VPS13A: variants seen among roughly 807,000 people sequenced by gnomAD.
The protein encoded by VPS13A is vacuolar protein sorting 13 homolog A.
In VPS13A, 264 loss-of-function variants were observed where a neutral mutation model predicts 390.9. The ratio of observed to expected loss-of-function variants is 0.68; its 90% confidence interval spans 0.61 to 0.75. The LOEUF is 0.75. VPS13A is among the 30% of genes least tolerant of loss of function. The pLI is 0.00. For synonymous variants in VPS13A, 1,231 were observed against 1,227.1 expected, an observed-to-expected ratio of 1.00 and a Z score of -0.07; for missense variants, 3,409 against 3,733.9, an observed-to-expected ratio of 0.91 and a Z score of 2.27.
chr9:77,256,710 G>A (rs1825467820), intron 22 of VPS13A, among the ~76,000 whole-genome samples: 1 of 151,950 alleles, frequency 6.6e-6, no homozygotes, highest in Non-Finnish European at 1.5e-5. Context: ...ATGTCTTCTT[G>A]GTGAAGTTAT....
In VPS13A at chr9:77,416,153, AAAAC is replaced by A. The variant is rs1056076954; in HGVS notation, c.*151_*154del. The A allele has an allele frequency of 2.0e-5, 18 of 892,350 alleles. No homozygotes were observed. The highest frequency in any genetic ancestry group is 3.0e-5 in the Non-Finnish European group (17 of 569,838). The allele number at this position is 892,350 out of a possible 1,614,324, so 55.3% of individuals were successfully genotyped here. On this transcript the variant is annotated 3_prime_UTR_variant, in exon 72 of 72. Coordinates refer to ENST00000360280, the MANE Select transcript of VPS13A (RefSeq NM_033305.3). ...AAAAACAAAAACAAACAAAAAAACA[AAAAC>A]AAAAAAACAAAACCAGAATCAGGTA...
intron 1 of VPS13A, among the ~76,000 whole-genome samples, chr9:77,193,108 C>T (rs895457174): frequency 6.6e-6 from 1 of 151,634 alleles, no homozygotes; most frequent in African/African-American, 2.4e-5. Flanking sequence ...CTTGAGATTC[C>T]CTCCTCAGCT....
At chr9:77,409,540 A>C (rs1488304852) in intron 71 of VPS13A, among the ~76,000 whole-genome samples, 2 of 152,162 alleles carry the variant, frequency 1.3e-5, no homozygotes, top group Non-Finnish European at 2.9e-5. Flanking sequence ...CAAGGAAGTT[A>C]AAAACCTTGA....
chr9:77,336,263 T>G (rs557435254), intron 46 of VPS13A, among the ~76,000 whole-genome samples: 13 of 152,100 alleles, frequency 8.5e-5, no homozygotes, highest in African/African-American at 1.2e-4. Context: ...GATGATCGAT[T>G]GATGGCTGCA....
intron 45 of VPS13A, among the ~76,000 whole-genome samples, chr9:77,329,193 C>G (rs958581690): frequency 7.2e-5 from 11 of 152,294 alleles, no homozygotes; most frequent in African/African-American, 2.6e-4. Context: ...GTATCATATC[C>G]AGACCACTAG....
intron 31 of VPS13A, among the ~76,000 whole-genome samples, chr9:77,288,057 C>G (rs1329471690): frequency 1.3e-5 from 2 of 152,138 alleles, no homozygotes; most frequent in Non-Finnish European, 2.9e-5. Context: ...ATCCTAGCAC[C>G]TTAGAATCAC....
chr9:77,306,761 C>T (rs962347978), intron 34 of VPS13A, among the ~76,000 whole-genome samples: 4 of 152,032 alleles, frequency 2.6e-5, no homozygotes, highest in East Asian at 1.9e-4. Flanking sequence ...AATATTTTCA[C>T]GGAAACATTT....
intron 53 of VPS13A, 30 bp from the exon 54 acceptor site, chr9:77,353,379 T>A (rs370955076): frequency 7.7e-7 from 1 of 1,291,852 alleles, no homozygotes; most frequent in African/African-American, 1.6e-5. Flanking sequence ...ATTTTTTGGT[T>A]TTTTTTTTTT....
chr9:77,331,864 T>C (rs1277310406), intron 45 of VPS13A, 146 bp from the exon 46 acceptor site: 26 of 587,688 alleles, frequency 4.4e-5, no homozygotes, highest in Non-Finnish European at 6.7e-5. Flanking sequence ...ATAAATAATA[T>C]GTTTGTTTCT....
chr9:77,358,111 A>G (rs943247447), intron 56 of VPS13A, among the ~76,000 whole-genome samples: 16 of 151,744 alleles, frequency 1.1e-4, no homozygotes, highest in African/African-American at 3.4e-4. Flanking sequence ...GCCCACCACC[A>G]TGGCCACCTA....
intron 19 of VPS13A, among the ~76,000 whole-genome samples, chr9:77,243,698 G>T (rs1016085132): frequency 6.6e-6 from 1 of 152,068 alleles, no homozygotes; most frequent in Non-Finnish European, 1.5e-5. Context: ...CAGACACTAT[G>T]CTAGGTTTTA....
chr9:77,377,216 T>G (rs866738397), intron 67 of VPS13A, among the ~76,000 whole-genome samples: 51 of 130,358 alleles, frequency 3.9e-4, no homozygotes, highest in East Asian at 8.9e-4. Context: ...TTTTTTTTTT[T>G]TTTTTTTTTT....
chr9:77,317,796 C>T (rs561408069), intron 40 of VPS13A, 98 bp downstream of exon 40: 511 of 821,370 alleles, frequency 6.2e-4, no homozygotes, highest in Non-Finnish European at 8.8e-4. Flanking sequence ...GTTATGCAAA[C>T]AAAATAGGTG....
chr9:77,406,247 C>T (rs1347500525), intron 70 of VPS13A, among the ~76,000 whole-genome samples: 2 of 152,132 alleles, frequency 1.3e-5, no homozygotes, highest in Non-Finnish European at 2.9e-5. Context: ...CAGAGCCCCA[C>T]CTTCCCACAT....
intron 1 of VPS13A, among the ~76,000 whole-genome samples, chr9:77,181,515 C>CAAAAAA (rs1161800764): frequency 6.2e-5 from 5 of 80,240 alleles, no homozygotes; most frequent in African/African-American, 9.5e-5. Flanking sequence ...GACCCTGCCT[C>CAAAAAA]AAAAAAAAAA....
chr9:77,407,651 C>G (rs1269503471), intron 71 of VPS13A, 44 bp downstream of exon 71: 1 of 1,409,596 alleles, frequency 7.1e-7, no homozygotes, highest in Non-Finnish European at 1.0e-6. Context: ...CTGCTCACTT[C>G]AAAATCATGT....
At chr9:77,360,728 TGC>T in intron 59 of VPS13A, 87 bp downstream of exon 59, 1 of 1,029,136 alleles carries the variant, frequency 9.7e-7, no homozygotes, top group Non-Finnish European at 1.5e-6. Context: ...ATGACTTTGT[TGC>T]ATTTTAAAAA....
intron 71 of VPS13A, among the ~76,000 whole-genome samples, chr9:77,408,949 G>C (rs1005840690): frequency 6.6e-6 from 1 of 152,184 alleles, no homozygotes; most frequent in Non-Finnish European, 1.5e-5. Context: ...AGAGAGTAGT[G>C]GTTCTCCCAG....
chr9:77,298,662 G>A lies in VPS13A; in HGVS notation c.3812+2816G>A, dbSNP rs144557484. On this transcript the variant is annotated intron_variant, in intron 33 of 71. Coordinates refer to ENST00000360280, the MANE Select transcript of VPS13A (RefSeq NM_033305.3). ...CAGGATTTTAATGATTGAGAATCAT[G>A]TTGATGGATAATAGAGAGGTGATAT... Among the ~76,000 whole-genome samples, 446 of 152,226 alleles carry A rather than the reference G, an allele frequency of 2.9e-3. 1 individual carries two copies. The highest frequency in any genetic ancestry group is 0.01 in the African/African-American group (433 of 41,540).
Sources: allele counts gnomAD v4.1 joint callset (sites outside exome capture counted in the v4.1 genomes callset), GRCh38; gene constraint gnomAD v4.1.1; transcripts MANE v1.5; gene names NCBI Gene and HGNC (gene_info 2026-07-23, HGNC 2026-07-21).